The following EYS variants were observed in gnomAD, a reference collection of about 807,000 sequenced individuals.
EYS encodes protein eyes shut homolog.
Under a neutral mutation model 282.1 loss-of-function variants are expected in EYS, and 250 were observed. The observed-to-expected ratio is 0.89, with a 90% confidence interval of 0.80 to 0.98. The LOEUF (loss-of-function observed/expected upper bound fraction) is 0.98, where lower values mean the gene tolerates loss of function less well. Ranked by LOEUF, EYS falls within the 50% of genes least tolerant of loss-of-function variation. EYS has a pLI of 0.00. For missense variants in EYS, 4,016 were observed against 3,709.0 expected (o/e 1.08, Z -2.15); for synonymous variants, 1,355 against 1,282.9 (o/e 1.06, Z -1.20).
At chr6:65,699,353 T>C (rs941003003) in intron 1 of EYS, among the ~76,000 whole-genome samples, 1 of 152,158 alleles carries the variant, frequency 6.6e-6, no homozygotes, top group African/African-American at 2.4e-5. Flanking sequence ...AAACTAATTA[T>C]GAATTTCCCT....
intron 12 of EYS, among the ~76,000 whole-genome samples, chr6:65,159,075 C>T (rs1348303193): frequency 1.3e-5 from 2 of 150,842 alleles, no homozygotes; most frequent in Non-Finnish European, 3.0e-5. Flanking sequence ...TCTTATCTTG[C>T]TCTTTTGGGA....
At chr6:64,703,495 C>T (rs1176457119) in intron 22 of EYS, among the ~76,000 whole-genome samples, 7 of 133,478 alleles carry the variant, frequency 5.2e-5, no homozygotes, top group Admixed American at 1.7e-4. Context: ...TGCAGTGGCG[C>T]GATCTCAGCT....
chr6:65,619,878 C>T (rs374877859), intron 2 of EYS, among the ~76,000 whole-genome samples: 6,307 of 150,866 alleles, frequency 0.042, 301 homozygotes, highest in African/African-American at 0.13. Context: ...GTATGTTGAA[C>T]CAGCCTTGCA....
chr6:63,856,015 G>GTTTTTT (rs35464160), intron 36 of EYS, among the ~76,000 whole-genome samples: 1 of 138,320 alleles, frequency 7.2e-6, no homozygotes, highest in Non-Finnish European at 1.5e-5. Context: ...TTTCAGTGAA[G>GTTTTTT]TTTTTTTTTT....
At chr6:64,528,676 A>T (rs1778002286) in intron 26 of EYS, among the ~76,000 whole-genome samples, 1 of 151,904 alleles carries the variant, frequency 6.6e-6, no homozygotes, top group South Asian at 2.1e-4. Context: ...TCCTCCCACC[A>T]ATCTCAGCCA....
At chr6:64,245,230 A>G (rs1018610958) in intron 30 of EYS, among the ~76,000 whole-genome samples, 4 of 152,186 alleles carry the variant, frequency 2.6e-5, no homozygotes, top group Non-Finnish European at 4.4e-5. Context: ...GCAGTCATAA[A>G]AAAGGATGAG....
At chr6:63,867,537 A>G (rs1772698027) in intron 35 of EYS, among the ~76,000 whole-genome samples, 1 of 152,196 alleles carries the variant, frequency 6.6e-6, no homozygotes, top group Non-Finnish European at 1.5e-5. Context: ...CACCTACATC[A>G]TGGATGGATC....
At chr6:65,046,044 T>C (rs777049531) in intron 13 of EYS, among the ~76,000 whole-genome samples, 1 of 151,932 alleles carries the variant, frequency 6.6e-6, no homozygotes, top group Non-Finnish European at 1.5e-5. Flanking sequence ...TTTTTTTCTA[T>C]ATCAATAAAA....
intron 22 of EYS, among the ~76,000 whole-genome samples, chr6:64,656,547 G>A (rs1049125897): frequency 2.0e-5 from 3 of 152,150 alleles, no homozygotes; most frequent in Non-Finnish European, 2.9e-5. Context: ...TAAGTTGGTA[G>A]ATGAAAGAGA....
At chr6:64,270,706 A>G (rs893046160) in intron 30 of EYS, among the ~76,000 whole-genome samples, 8 of 152,202 alleles carry the variant, frequency 5.3e-5, no homozygotes, top group Non-Finnish European at 4.4e-5. Context: ...GCATAATAAT[A>G]AAACAATGAG....
At chr6:63,769,876 T>TA (rs1395510484) in intron 40 of EYS, among the ~76,000 whole-genome samples, 1 of 152,016 alleles carries the variant, frequency 6.6e-6, no homozygotes, top group Non-Finnish European at 1.5e-5. Flanking sequence ...AACATGGATA[T>TA]AAAAAATTAA....
chr6:63,809,773 T>C (rs541144516), intron 36 of EYS, among the ~76,000 whole-genome samples: 1 of 152,274 alleles, frequency 6.6e-6, no homozygotes, highest in Non-Finnish European at 1.5e-5. Context: ...ATAGGCTCAA[T>C]GTATAATCTT....
intron 26 of EYS, among the ~76,000 whole-genome samples, chr6:64,453,816 A>G (rs886370416): frequency 6.6e-6 from 1 of 152,082 alleles, no homozygotes; most frequent in Admixed American, 6.6e-5. Context: ...ATGAGAACAC[A>G]TGGACACAGG....
At chr6:65,553,451 T>C (rs918485613) in intron 2 of EYS, among the ~76,000 whole-genome samples, 1 of 152,176 alleles carries the variant, frequency 6.6e-6, no homozygotes, top group Non-Finnish European at 1.5e-5. Flanking sequence ...ATCTGGATTA[T>C]ACTCCTGTCA....
At chr6:64,852,516 T>C (rs528936665) in intron 19 of EYS, among the ~76,000 whole-genome samples, 225 of 152,214 alleles carry the variant, frequency 1.5e-3, no homozygotes, top group African/African-American at 2.2e-3. Flanking sequence ...GAGTTGATAC[T>C]ACTTAATAAA....
intron 26 of EYS, among the ~76,000 whole-genome samples, chr6:64,466,318 T>C (rs930550923): frequency 3.9e-5 from 6 of 152,276 alleles, no homozygotes; most frequent in East Asian, 1.9e-4. Context: ...TATTGCAGCA[T>C]TATTTGTAAT....
At chr6:64,726,050 T>G (rs890943898) in intron 22 of EYS, among the ~76,000 whole-genome samples, 7 of 152,162 alleles carry the variant, frequency 4.6e-5, no homozygotes, top group Non-Finnish European at 1.0e-4. Flanking sequence ...TTCCCAAGTA[T>G]GTTGACTTGA....
At chr6:65,113,484 C>T (rs951932131) in intron 12 of EYS, among the ~76,000 whole-genome samples, 4 of 151,814 alleles carry the variant, frequency 2.6e-5, no homozygotes, top group South Asian at 2.1e-4. Flanking sequence ...AAATTTAAAA[C>T]GAGGTAGTAT....
At chr6:65,604,993 C>T (rs573691799) in intron 2 of EYS, among the ~76,000 whole-genome samples, 1 of 150,070 alleles carries the variant, frequency 6.7e-6, no homozygotes, top group Admixed American at 6.7e-5. Flanking sequence ...AAACATATGG[C>T]CGACCATGCC....
Sources: gnomAD v4.1 joint callset for allele counts (sites outside exome capture counted in the v4.1 genomes callset) on GRCh38, gnomAD v4.1.1 for gene constraint, MANE v1.5 for transcripts, NCBI Gene and HGNC (gene_info 2026-07-23, HGNC 2026-07-21) for gene names.